The following SLC26A5 variants were observed in gnomAD, a reference collection of about 807,000 sequenced individuals.
SLC26A5 encodes prestin.
Under a neutral mutation model 81.0 loss-of-function variants are expected in SLC26A5, and 51 were observed. The ratio of observed to expected loss-of-function variants is 0.63; its 90% CI spans 0.50 to 0.80. SLC26A5 has a LOEUF of 0.80. SLC26A5 is among the 30% of genes least tolerant of loss of function. The pLI, the probability that SLC26A5 is intolerant of heterozygous loss-of-function variation, is 0.00. For missense variants in SLC26A5, 771 were observed against 905.8 expected (o/e 0.85, Z 1.91); for synonymous variants, 325 against 332.8 (o/e 0.98, Z 0.25).
In SLC26A5 at chr7:103,389,403, T is replaced by C. The variant is rs931450231; in HGVS notation, c.1333A>G (p.Ile445Val). The C allele has an allele frequency of 6.2e-7, 1 of 1,613,980 alleles. No homozygotes were observed. Among genetic ancestry groups the C allele is most frequent in the East Asian group, 2.2e-5 (1 of 44,866 alleles). ...LPQAVLSAIVIVNLKGMFMQF... is the reference protein window; with the variant it reads ...LPQAVLSAIVVVNLKGMFMQF... ...ATAAACATTCCCTTCAGGTTGACAA[T>C]CACAATGGCCGACAGCACAGCCTGA... The change falls in exon 13 of 20, where the codon ATT becomes GTT. Residue 445 changes from isoleucine (I) to valine (V), a missense_variant. Ile to Val is a conservative substitution (Grantham distance 29). Transcript: ENST00000306312.
chr7:103,369,380 A>G (rs1388296079), downstream of SLC26A5: 1 of 152,254 alleles, frequency 6.6e-6, no homozygotes, highest in Non-Finnish European at 1.5e-5. Context: ...AAATAAATGT[A>G]CACATTTAGA....
In SLC26A5 at chr7:103,421,423, C is replaced by G. The variant is rs1346488074; in HGVS notation, c.92G>C (p.Arg31Thr). The G allele has an allele frequency of 3.1e-6, 5 of 1,614,000 alleles. No homozygotes were observed. Among genetic ancestry groups the G allele is most frequent in the Admixed American group, 3.3e-5 (2 of 59,988 alleles). The change falls in exon 3 of 20, where the codon AGA (arginine) becomes ACA (threonine). Residue 31 changes from arginine to threonine, a missense_variant. Physicochemically the swap from Arg to Thr is moderately conservative, Grantham distance 71. Transcript: ENST00000306312. Reference sequence around the variant, plus strand: ...AGGAACCTTGTCCTTTGTGTGTAGTCTTTCCTGGAGGACCGGATGACTAAA... The same window carrying G: ...AGGAACCTTGTCCTTTGTGTGTAGTGTTTCCTGGAGGACCGGATGACTAAA... ...PIFSHPVLQE[R>T]LHTKDKVPDS...
intron 2 of SLC26A5, among the ~76,000 whole-genome samples, chr7:103,431,422 G>A (rs955824408): frequency 4.0e-5 from 6 of 151,172 alleles, no homozygotes; most frequent in Non-Finnish European, 5.9e-5. Context: ...TCCTGCACTC[G>A]AGCTGTTCTC....
rs1366451675 is a variant in SLC26A5 at position 103,390,355 on chromosome 7, A to G, written c.1311+74T>C. On this transcript the variant is annotated intron_variant, in intron 12 of 19. Transcript: ENST00000306312. ...CAGTAAATAACCCTAATATAGCCATAAGAACATAAACAAATAAAATAGCAA... is the reference window on the plus strand; with the variant it reads ...CAGTAAATAACCCTAATATAGCCATGAGAACATAAACAAATAAAATAGCAA... The G allele has an allele frequency of 3.2e-5, 43 of 1,337,880 alleles. No individual in the cohort carries two copies. The East Asian group carries it at 9.2e-4, about 29-fold the overall frequency. The allele number at this position is 1,337,880 out of a possible 1,614,324, so 82.9% of individuals were successfully genotyped here.
intron 2 of SLC26A5, among the ~76,000 whole-genome samples, chr7:103,437,520 T>A (rs985689068): frequency 3.9e-5 from 6 of 152,210 alleles, no homozygotes; most frequent in African/African-American, 1.4e-4. Flanking sequence ...AGCTAAGACA[T>A]GGAACCAATT....
chr7:103,371,855 C>G (rs1193778312), downstream of SLC26A5, among the ~76,000 whole-genome samples: 1 of 151,904 alleles, frequency 6.6e-6, no homozygotes, highest in Non-Finnish European at 1.5e-5. Flanking sequence ...GCCACCATGC[C>G]CAGCTCACTT....
chr7:103,429,541 C>T (rs1259169622), intron 2 of SLC26A5, among the ~76,000 whole-genome samples: 5 of 152,240 alleles, frequency 3.3e-5, no homozygotes, highest in Admixed American at 3.3e-4. Context: ...ATGGCTTTAT[C>T]AGCCTTTCCT....
chr7:103,401,694 G>C (rs1823605555), intron 8 of SLC26A5, among the ~76,000 whole-genome samples: 1 of 152,128 alleles, frequency 6.6e-6, no homozygotes, highest in African/African-American at 2.4e-5. Context: ...ATTGGCTGTG[G>C]GTTTGTCATA....
In SLC26A5 at chr7:103,423,196, C is replaced by T. The variant is rs187257099; in HGVS notation, c.-53-1629G>A. Among the ~76,000 whole-genome samples the T allele has an allele frequency of 1.6e-4, 25 of 151,906 alleles. No homozygotes were observed. In the East Asian group the frequency reaches 4.4e-3, roughly 27 times the overall value. Reference sequence around the variant, plus strand: ...CTGAGACAGGAAAATCACTTGAACCCGGGAGGCAGAGGTTGCAGTGAGCTG... The same window carrying T: ...CTGAGACAGGAAAATCACTTGAACCTGGGAGGCAGAGGTTGCAGTGAGCTG... On this transcript the variant is annotated intron_variant, in intron 2 of 19. Transcript: ENST00000306312.
chr7:103,426,240 T>C (rs994125459), intron 2 of SLC26A5, among the ~76,000 whole-genome samples: 13 of 152,166 alleles, frequency 8.5e-5, no homozygotes, highest in Non-Finnish European at 1.5e-4. Flanking sequence ...AATGCAGTCT[T>C]AACTGTCACA....
chr7:103,410,211 G>A (rs1326363849), intron 7 of SLC26A5, among the ~76,000 whole-genome samples, 174 bp downstream of exon 7: 1 of 152,126 alleles, frequency 6.6e-6, no homozygotes, highest in Non-Finnish European at 1.5e-5. Context: ...TTAAGGTTTA[G>A]TTCTCTTTGT....
At chr7:103,390,389 C>A (rs1297907343) in intron 12 of SLC26A5, 40 bp downstream of exon 12, 1 of 1,537,212 alleles carries the variant, frequency 6.5e-7, no homozygotes, top group East Asian at 2.2e-5. Context: ...AAAATCTCTA[C>A]ACATGAAAAA....
chr7:103,408,294 T>G (rs1447057151), intron 7 of SLC26A5, among the ~76,000 whole-genome samples: 1 of 152,198 alleles, frequency 6.6e-6, no homozygotes, highest in Admixed American at 6.5e-5. Context: ...TGGCATGATC[T>G]TGGCTCACTG....
exon 20 of SLC26A5, chr7:103,352,806 C>T (rs1819795006): frequency 1.3e-6 from 1 of 779,876 alleles, no homozygotes; most frequent in African/African-American, 1.7e-5. Flanking sequence ...TGAGGTCACC[C>T]CACTAACAGA....
At chr7:103,377,857 G>C (rs1821474871) in intron 17 of SLC26A5, 58 bp from the exon 18 acceptor site, 1 of 1,523,330 alleles carries the variant, frequency 6.6e-7, no homozygotes, top group Non-Finnish European at 9.1e-7. Flanking sequence ...TTCTGGTTGT[G>C]AGAAAGATTT....
chr7:103,384,283 T>A (rs1822016217), intron 14 of SLC26A5, among the ~76,000 whole-genome samples: 1 of 152,018 alleles, frequency 6.6e-6, no homozygotes, highest in African/African-American at 2.4e-5. Context: ...ACACTGTGTT[T>A]GGCCTATATT....
intron 18 of SLC26A5, 100 bp downstream of exon 18, chr7:103,377,499 T>C: frequency 8.9e-7 from 1 of 1,122,680 alleles, no homozygotes. Context: ...AGGGGATAAA[T>C]CTTTTGTTGA....
intron 14 of SLC26A5, among the ~76,000 whole-genome samples, chr7:103,382,534 G>A (rs1821886001): frequency 6.6e-6 from 1 of 151,722 alleles, no homozygotes; most frequent in South Asian, 2.1e-4. Flanking sequence ...ATTTTTAATA[G>A]AGACAGGGTT....
chr7:103,403,456 T>C (rs1282867507), intron 8 of SLC26A5, among the ~76,000 whole-genome samples: 1 of 152,182 alleles, frequency 6.6e-6, no homozygotes, highest in Non-Finnish European at 1.5e-5. Flanking sequence ...ACCTGTCTCA[T>C]ATTGACAGTG....
Sources: gnomAD v4.1 joint callset for allele counts (sites outside exome capture counted in the v4.1 genomes callset) on GRCh38, gnomAD v4.1.1 for gene constraint, MANE v1.5 for transcripts, NCBI Gene and HGNC (gene_info 2026-07-23, HGNC 2026-07-21) for gene names.